SGK1: variants seen among roughly 807,000 people sequenced by gnomAD.
SGK1 encodes the protein serum/glucocorticoid regulated kinase 1, also known as serine/threonine-protein kinase Sgk1.
In SGK1, 26 loss-of-function variants were observed where a neutral mutation model predicts 64.2. That is an observed-to-expected ratio of 0.40 (90% CI 0.30 to 0.56). The LOEUF is 0.56. SGK1 is among the 20% of genes least tolerant of loss of function. The probability of loss-of-function intolerance (pLI) is 0.38; values close to 1 mark genes in which losing one functional copy is unlikely to be tolerated. For synonymous variants in SGK1, 265 were observed against 239.7 expected (o/e 1.11, Z -0.98); for missense variants, 519 against 645.6 (o/e 0.80, Z 2.12).
intron 1 of SGK1, among the ~76,000 whole-genome samples, chr6:134,280,167 C>A (rs1160705218): frequency 6.7e-6 from 1 of 150,264 alleles, no homozygotes; most frequent in Non-Finnish European, 1.5e-5. Flanking sequence ...TGCACTCCAG[C>A]CTGGGCAACA....
intron 1 of SGK1, among the ~76,000 whole-genome samples, chr6:134,314,892 T>C (rs1421428471): frequency 6.6e-6 from 1 of 151,716 alleles, no homozygotes; most frequent in Non-Finnish European, 1.5e-5. Context: ...AAATAAAATA[T>C]GCAGAAATGT....
At chr6:134,309,290 A>G (rs1443075994) in intron 1 of SGK1, among the ~76,000 whole-genome samples, 1 of 152,210 alleles carries the variant, frequency 6.6e-6, no homozygotes, top group Admixed American at 6.5e-5. Flanking sequence ...TCCTTTCTCC[A>G]CATGCCATGG....
At chr6:134,274,338 A>G (rs1463762894) in intron 1 of SGK1, among the ~76,000 whole-genome samples, 2 of 152,128 alleles carry the variant, frequency 1.3e-5, no homozygotes, top group Non-Finnish European at 2.9e-5. Flanking sequence ...TGAAGGACGG[A>G]TTTAAGATGG....
chr6:134,299,294 G>A (rs776792767), intron 1 of SGK1, among the ~76,000 whole-genome samples: 2 of 152,074 alleles, frequency 1.3e-5, no homozygotes, highest in Non-Finnish European at 2.9e-5. Context: ...GAGCCAGTGA[G>A]GTCGAGGATG....
intron 3 of SGK1, among the ~76,000 whole-genome samples, chr6:134,199,864 C>G (rs1360817683): frequency 1.3e-5 from 2 of 152,100 alleles, no homozygotes; most frequent in Non-Finnish European, 2.9e-5. Flanking sequence ...AGGGGAACAT[C>G]AAAGAATTAT....
At chr6:134,257,995 C>T (rs144037318) in intron 2 of SGK1, among the ~76,000 whole-genome samples, 2 of 152,276 alleles carry the variant, frequency 1.3e-5, no homozygotes, top group African/African-American at 4.8e-5. Context: ...CATCTCACAG[C>T]CTCTCCACCT....
chr6:134,246,380 C>T (rs1776525580), intron 2 of SGK1, among the ~76,000 whole-genome samples: 1 of 151,694 alleles, frequency 6.6e-6, no homozygotes, highest in Non-Finnish European at 1.5e-5. Context: ...TGGTCTCGAA[C>T]TCCTGACCTC....
chr6:134,227,365 C>T (rs1222295240), intron 2 of SGK1, among the ~76,000 whole-genome samples: 1 of 152,190 alleles, frequency 6.6e-6, no homozygotes. Flanking sequence ...GAACTCCTGA[C>T]CTCAGGTGAT....
chr6:134,182,494 TA>T (rs755543891), intron 3 of SGK1, among the ~76,000 whole-genome samples: 563 of 136,434 alleles, frequency 4.1e-3, no homozygotes, highest in Middle Eastern at 7.6e-3. Flanking sequence ...AGACTCCGTC[TA>T]AAAAAAAAAA....
At position 134,172,790 on chromosome 6, in the gene SGK1, C is replaced by A; in HGVS notation, c.835-16G>T. The A allele has an allele frequency of 6.4e-7, 1 of 1,558,578 alleles. No individual in the cohort carries two copies. Among genetic ancestry groups the A allele is most frequent in the Non-Finnish European group, 8.9e-7 (1 of 1,129,652 alleles). Reference sequence around the variant, plus strand: ...GGTAGAACAACTGCAGGAGACAGAACAAAGTCATTCTGGGTTGCAAATGAA... The same window carrying A: ...GGTAGAACAACTGCAGGAGACAGAAAAAAGTCATTCTGGGTTGCAAATGAA... On this transcript the variant is annotated splice_polypyrimidine_tract_variant and intron_variant, in intron 8 of 13. Transcript: ENST00000367858.
intron 2 of SGK1, among the ~76,000 whole-genome samples, chr6:134,245,330 C>T (rs1438980770): frequency 1.3e-5 from 2 of 152,260 alleles, no homozygotes; most frequent in Admixed American, 6.5e-5. Flanking sequence ...CTTGAGATGC[C>T]TTAGAGAGGG....
intron 1 of SGK1, among the ~76,000 whole-genome samples, chr6:134,267,942 C>G (rs1776878590): frequency 6.6e-6 from 1 of 152,196 alleles, no homozygotes; most frequent in African/African-American, 2.4e-5. Flanking sequence ...TTCAACGTGT[C>G]CCTTCTTTAT....
chr6:134,241,724 C>T (rs914223727), intron 2 of SGK1, among the ~76,000 whole-genome samples: 2 of 152,064 alleles, frequency 1.3e-5, no homozygotes, highest in Admixed American at 1.3e-4. Flanking sequence ...GGGTTCAGGC[C>T]ATTCTCCTGC....
chr6:134,287,382 G>A (rs1490814610), intron 1 of SGK1, among the ~76,000 whole-genome samples: 1 of 146,814 alleles, frequency 6.8e-6, no homozygotes, highest in Non-Finnish European at 1.5e-5. Flanking sequence ...AAATTTTTTT[G>A]TTATAAATTA....
intron 3 of SGK1, among the ~76,000 whole-genome samples, chr6:134,206,352 TATATATATATATATATATATATA>T (rs1775771358): frequency 2.0e-4 from 2 of 10,162 alleles, no homozygotes; most frequent in Admixed American, 9.1e-4. Context: ...TATATATATA[TATATATATATATATATATATATA>T]TATATATATT....
At position 134,262,102 on chromosome 6, in the gene SGK1, T is replaced by C; in HGVS notation, c.116A>G (p.Gln39Arg). 1 of 1,611,806 alleles carries C rather than the reference T, an allele frequency of 6.2e-7. No individual in the cohort carries two copies. Among genetic ancestry groups the C allele is most frequent in the Non-Finnish European group, 8.5e-7 (1 of 1,178,102 alleles). ...GCCGGTGTACTTCAGGCTGGGACTC[T>C]GATGCTTGTCCACACTGACCATTGG... Reference protein sequence around the residue: ...KSPMVSVDKHQSPSLKYTGSS... With the variant: ...KSPMVSVDKHRSPSLKYTGSS... The change falls in exon 2 of 14, where the codon CAG becomes CGG. Residue 39 changes from glutamine to arginine, a missense_variant. Around this residue, in one of 2 missense-constraint regions of SGK1, gnomAD observed 241 missense variants for 236.9 expected, o/e 1.02. Coordinates refer to ENST00000367858, the MANE Select transcript of SGK1 (RefSeq NM_001143676.3).
chr6:134,191,858 C>G (rs1466681087), intron 3 of SGK1, among the ~76,000 whole-genome samples: 2 of 7,632 alleles, frequency 2.6e-4, no homozygotes, highest in Non-Finnish European at 4.0e-4. Context: ...TTTTTTGAGA[C>G]AGAGTCTCGC....
At chr6:134,259,909 A>C (rs970288972) in intron 2 of SGK1, 2 of 152,236 alleles carry the variant, frequency 1.3e-5, no homozygotes, top group African/African-American at 4.8e-5. Flanking sequence ...TAACCCAGTT[A>C]TGGAAGTCTA....
intron 12 of SGK1, 40 bp downstream of exon 12, chr6:134,170,983 C>G (rs201165496): frequency 6.2e-7 from 1 of 1,612,552 alleles, no homozygotes; most frequent in Non-Finnish European, 8.5e-7. Context: ...GTCTAGTGCA[C>G]GTCCCGGCCG....
Sources: allele counts gnomAD v4.1 joint callset (sites outside exome capture counted in the v4.1 genomes callset), GRCh38; gene constraint gnomAD v4.1.1; regional missense constraint gnomAD v4.1.1; transcripts MANE v1.5; gene names NCBI Gene and HGNC (gene_info 2026-07-23, HGNC 2026-07-21).